The following TBXA2R variants were observed in gnomAD, a reference collection of about 807,000 sequenced individuals.
TBXA2R encodes the protein prostanoid TP receptor.
Under a neutral mutation model 15.6 loss-of-function variants are expected in TBXA2R, and 15 were observed. The observed-to-expected ratio is 0.96, with a 90% CI of 0.64 to 1.48. TBXA2R has a LOEUF of 1.48. TBXA2R is among the 40% of genes most tolerant of loss of function. The pLI is 0.00. For missense variants in TBXA2R, 506 were observed against 491.4 expected, an observed-to-expected ratio of 1.03 and a Z score of -0.28; for synonymous variants, 280 against 241.2, an observed-to-expected ratio of 1.16 and a Z score of -1.49.
At chr19:3,603,577 C>T (rs566476807) in intron 1 of TBXA2R, among the ~76,000 whole-genome samples, 31 of 152,298 alleles carry the variant, frequency 2.0e-4, no homozygotes, top group East Asian at 1.3e-3. Context: ...GCCACTGACC[C>T]GACCTCTGCC....
At chr19:3,605,785 G>T (rs2032820616) in intron 1 of TBXA2R, among the ~76,000 whole-genome samples, 1 of 137,426 alleles carries the variant, frequency 7.3e-6, no homozygotes, top group African/African-American at 2.7e-5. Flanking sequence ...GACAGACACA[G>T]ACACACACAA....
At chr19:3,605,998 C>T (rs2032827110) in intron 1 of TBXA2R, among the ~76,000 whole-genome samples, 1 of 152,090 alleles carries the variant, frequency 6.6e-6, no homozygotes, top group Non-Finnish European at 1.5e-5. Flanking sequence ...ACAACAGGTA[C>T]ATAGATACAG....
Position 3,595,010 on chromosome 19 carries a change from G to A in TBXA2R, c.*678C>T. ...CACGAGAATCGCTTGAACCCGGGAGGCGGAGGTTGCAGTGAGCCGAGATCG... is the reference window on the plus strand; with the variant it reads ...CACGAGAATCGCTTGAACCCGGGAGACGGAGGTTGCAGTGAGCCGAGATCG... On this transcript the variant is annotated 3_prime_UTR_variant, in exon 3 of 3. Coordinates refer to ENST00000375190, the MANE Select transcript of TBXA2R (RefSeq NM_001060.6). 1 of 1,457,660 alleles carries A rather than the reference G, an allele frequency of 6.9e-7. No individual in the cohort carries two copies. Among genetic ancestry groups the A allele is most frequent in the Non-Finnish European group, 9.3e-7 (1 of 1,079,308 alleles). 90.3% of individuals were successfully genotyped at this position (1,457,660 alleles called of 1,614,324 possible).
intron 1 of TBXA2R, among the ~76,000 whole-genome samples, chr19:3,602,294 T>A (rs1364105428): frequency 6.6e-6 from 1 of 152,088 alleles, no homozygotes; most frequent in African/African-American, 2.4e-5. Flanking sequence ...TGTGGCTGGT[T>A]GTAAAGTCAC....
chr19:3,603,032 T>C (rs185291559), intron 1 of TBXA2R, among the ~76,000 whole-genome samples: 1,770 of 125,104 alleles, frequency 0.014, 34 homozygotes, highest in African/African-American at 0.046. Context: ...CGAGACTCCA[T>C]CTCAAAAAAA....
In TBXA2R at chr19:3,600,623, G is replaced by A. The variant is rs750609825; in HGVS notation, c.12C>T (p.Asn4=). ...GGAAACAGGGCCCCAGGGAACTGCCGTTGGGCCACATGGCTCCGGAGCCCT... is the reference window on the plus strand; with the variant it reads ...GGAAACAGGGCCCCAGGGAACTGCCATTGGGCCACATGGCTCCGGAGCCCT... MWP[N]GSSLGPCFRP... Residue 4 remains asparagine (N), a synonymous_variant, in exon 2 of 3, where the codon AAC becomes AAT. Coordinates refer to ENST00000375190, the MANE Select transcript of TBXA2R (RefSeq NM_001060.6). 4.3e-6 allele frequency: 7 copies of A among 1,612,600 alleles called. No individual in the cohort carries two copies. Among genetic ancestry groups the A allele is most frequent in the South Asian group, 1.1e-5 (1 of 91,046 alleles).
chr19:3,595,624 G>A lies in TBXA2R; in HGVS notation c.*64C>T, dbSNP rs780313409. The A allele has an allele frequency of 2.0e-6, 3 of 1,502,682 alleles. 1 individual carries two copies. Among genetic ancestry groups the A allele is most frequent in the East Asian group, 4.9e-5 (2 of 40,870 alleles). The allele number at this position is 1,502,682 out of a possible 1,614,324, so 93.1% of individuals were successfully genotyped here. A position where few individuals can be genotyped will look rare whatever the true frequency, so the allele number is the denominator to read the frequency against. ...AGCCCCTGAATCCTCAGAACAGGCA[G>A]ATGGGCTGTCCGAGGGGCCAAGGGC... On this transcript the variant is annotated 3_prime_UTR_variant, in exon 3 of 3. Transcript: ENST00000375190.
Position 3,595,353 on chromosome 19 carries a change from T to G in TBXA2R, c.*335A>C. 1 of 1,363,002 alleles carries G rather than the reference T, an allele frequency of 7.3e-7. No individual in the cohort carries two copies. Among genetic ancestry groups the G allele is most frequent in the Non-Finnish European group, 9.4e-7 (1 of 1,063,678 alleles). The allele number at this position is 1,363,002 out of a possible 1,614,324, so 84.4% of individuals were successfully genotyped here. A position where few individuals can be genotyped will look rare whatever the true frequency, so the allele number is the denominator to read the frequency against. Reference sequence around the variant, plus strand: ...GAGATTGCGCCACTGCACTCCAGCCTGGGGGACAGAGCAAGACTCCGTCTA... The same window carrying G: ...GAGATTGCGCCACTGCACTCCAGCCGGGGGGACAGAGCAAGACTCCGTCTA... On this transcript the variant is annotated 3_prime_UTR_variant, in exon 3 of 3. Transcript: ENST00000375190.
At chr19:3,606,342 G>A (rs951618849) in intron 1 of TBXA2R, among the ~76,000 whole-genome samples, 188 bp downstream of exon 1, 2 of 152,122 alleles carry the variant, frequency 1.3e-5, no homozygotes, top group Non-Finnish European at 2.9e-5. Flanking sequence ...CCGCCTGGGC[G>A]CCCAGGGCAG....
intron 2 of TBXA2R, chr19:3,598,142 G>A (rs1357696622): frequency 1.3e-5 from 2 of 152,148 alleles, no homozygotes; most frequent in African/African-American, 2.4e-5. Flanking sequence ...CCCAGAAGAG[G>A]TGCCTGACCT....
At chr19:3,598,649 G>C (rs573026683) in intron 2 of TBXA2R, among the ~76,000 whole-genome samples, 7 of 149,954 alleles carry the variant, frequency 4.7e-5, no homozygotes, top group Non-Finnish European at 7.4e-5. Flanking sequence ...ACCGTGGCTG[G>C]CCTGTTTTTG....
intron 1 of TBXA2R, among the ~76,000 whole-genome samples, chr19:3,605,249 C>T (rs956544569): frequency 2.0e-5 from 3 of 152,224 alleles, no homozygotes; most frequent in Non-Finnish European, 4.4e-5. Context: ...GGGCGGGACC[C>T]GGGAGGTGCA....
rs4987258 is a variant in TBXA2R, at chr19:3,595,446, G to A, written c.*242C>T. On this transcript the variant is annotated 3_prime_UTR_variant, in exon 3 of 3. Coordinates refer to ENST00000375190, the MANE Select transcript of TBXA2R (RefSeq NM_001060.6). The stretch of plus-strand genomic sequence containing the variant: ...TGCCCTTCCTGGGGTTGGGAGGGAC[G>A]CAGAGAAGGGGTGGGAGCTCTGGAT... 2.8e-6 allele frequency: 4 copies of A among 1,411,228 alleles called. No individual in the cohort carries two copies. Among genetic ancestry groups the A allele is most frequent in the Non-Finnish European group, 3.7e-6 (4 of 1,087,526 alleles). The allele number at this position is 1,411,228 out of a possible 1,614,324, so 87.4% of individuals were successfully genotyped here.
At chr19:3,606,316 C>T (rs564054303) in intron 1 of TBXA2R, among the ~76,000 whole-genome samples, 1 of 152,330 alleles carries the variant, frequency 6.6e-6, no homozygotes, top group Non-Finnish European at 1.5e-5. Context: ...TCAGCCTGGG[C>T]CGCACCCAGA....
chr19:3,599,705 G>C (rs1204125748), intron 2 of TBXA2R, 144 bp downstream of exon 2: 30 of 1,251,854 alleles, frequency 2.4e-5, no homozygotes, highest in African/African-American at 3.0e-5. Context: ...GGCCTCAAGC[G>C]ATCCTCCCGC....
At chr19:3,601,293 C>A (rs2032734446) in intron 1 of TBXA2R, among the ~76,000 whole-genome samples, 1 of 150,344 alleles carries the variant, frequency 6.7e-6, no homozygotes, top group Admixed American at 6.6e-5. Flanking sequence ...CTTTGGGAGG[C>A]CAAAGTGGGC....
Position 3,594,819 on chromosome 19 carries a change from G to C in TBXA2R, c.*869C>G, listed in dbSNP as rs1173588681. The C allele has an allele frequency of 1.3e-6, 2 of 1,528,492 alleles. No individual in the cohort carries two copies. The highest frequency in any genetic ancestry group is 1.4e-5 in the African/African-American group (1 of 72,830). The allele number at this position is 1,528,492 out of a possible 1,614,324, so 94.7% of individuals were successfully genotyped here. On this transcript the variant is annotated 3_prime_UTR_variant, in exon 3 of 3. Coordinates refer to ENST00000375190, the MANE Select transcript of TBXA2R (RefSeq NM_001060.6). ...GAGATATATTTTGGCAAGAAAAGGG[G>C]GTGCCCCCGTTCACATTCAATCCTT...
At chr19:3,601,174 G>A (rs751733680) in intron 1 of TBXA2R, among the ~76,000 whole-genome samples, 1 of 152,136 alleles carries the variant, frequency 6.6e-6, no homozygotes, top group Non-Finnish European at 1.5e-5. Context: ...GGTTGGTAGA[G>A]AGCAGCAGGC....
chr19:3,601,657 T>C (rs2032740950), intron 1 of TBXA2R, among the ~76,000 whole-genome samples: 1 of 152,180 alleles, frequency 6.6e-6, no homozygotes, highest in African/African-American at 2.4e-5. Flanking sequence ...CTGGGTGCAG[T>C]GGCTAATGCC....
Sources: gnomAD v4.1 joint callset for allele counts (sites outside exome capture counted in the v4.1 genomes callset) on GRCh38, gnomAD v4.1.1 for gene constraint, MANE v1.5 for transcripts, NCBI Gene and HGNC (gene_info 2026-07-23, HGNC 2026-07-21) for gene names.